Variants in FBP2 observed in about 807,000 individuals in gnomAD.
The protein encoded by FBP2 is fructose-1,6-bisphosphatase isozyme 2.
Under a neutral mutation model 31.6 loss-of-function variants are expected in FBP2, and 27 were observed. The observed-to-expected ratio is 0.85, with a 90% CI of 0.63 to 1.18. The LOEUF (loss-of-function observed/expected upper bound fraction) is 1.18. FBP2 is among the 50% of genes most tolerant of loss of function. The probability of loss-of-function intolerance (pLI) is 0.00; values close to 1 mark genes in which losing one functional copy is unlikely to be tolerated. For synonymous variants in FBP2, 168 were observed against 179.8 expected, an observed-to-expected ratio of 0.93 and a Z score of 0.53; for missense variants, 421 against 436.1, an observed-to-expected ratio of 0.97 and a Z score of 0.31.
rs1387207698 is a variant in FBP2, at chr9:94,593,697, G to A, written c.30C>T (p.Asp10=). MTDRSPFET[D]MLTLTRYVME... Reference sequence around the variant, plus strand: ...TAACGTAGCGGGTCAGGGTGAGCATGTCGGTTTCGAAGGGGCTTCTGTCCG... The same window carrying A: ...TAACGTAGCGGGTCAGGGTGAGCATATCGGTTTCGAAGGGGCTTCTGTCCG... The change falls in exon 1 of 7, where the codon GAC becomes GAT. Residue 10 remains aspartate (D), a synonymous_variant. Transcript: ENST00000375337. 1.9e-6 allele frequency: 3 copies of A among 1,614,220 alleles called. No individual in the cohort carries two copies. Among genetic ancestry groups the A allele is most frequent in the South Asian group, 1.1e-5 (1 of 91,078 alleles).
At chr9:94,562,811 CT>C (rs931472339) in intron 6 of FBP2, among the ~76,000 whole-genome samples, 3 of 152,146 alleles carry the variant, frequency 2.0e-5, no homozygotes, top group Non-Finnish European at 2.9e-5. Context: ...CAGGAACTAC[CT>C]TTCCAGATAT....
chr9:94,559,206 G>A, intron 6 of FBP2, 74 bp from the exon 7 acceptor site: 3 of 1,392,414 alleles, frequency 2.2e-6, no homozygotes, highest in Non-Finnish European at 3.0e-6. Context: ...CTAAAGCTGG[G>A]GGAGGAGTTT....
chr9:94,572,692 A>G (rs1827281889), intron 3 of FBP2, among the ~76,000 whole-genome samples: 1 of 152,060 alleles, frequency 6.6e-6, no homozygotes, highest in Admixed American at 6.6e-5. Context: ...CAGATATTGC[A>G]TTTAATTCAC....
intron 1 of FBP2, among the ~76,000 whole-genome samples, chr9:94,589,995 G>A (rs1169484563): frequency 1.3e-5 from 2 of 152,164 alleles, no homozygotes; most frequent in Non-Finnish European, 2.9e-5. Context: ...GCCCAGGCCT[G>A]CGGTGGGCAG....
intron 3 of FBP2, among the ~76,000 whole-genome samples, chr9:94,583,467 C>G (rs1243740350): frequency 6.6e-6 from 1 of 152,162 alleles, no homozygotes; most frequent in Non-Finnish European, 1.5e-5. Flanking sequence ...ACTATACAGG[C>G]CTTAAATACT....
chr9:94,562,320 A>C (rs921757281), intron 6 of FBP2, among the ~76,000 whole-genome samples: 2 of 151,610 alleles, frequency 1.3e-5, no homozygotes, highest in Non-Finnish European at 2.9e-5. Flanking sequence ...AAAAAAAAAA[A>C]AAAAAAAAAA....
In FBP2 at chr9:94,573,968, T is replaced by G. The variant is rs1827293493; in HGVS notation, c.427-2366A>C. Among the ~76,000 whole-genome samples, 2 of 152,240 alleles carry G rather than the reference T, an allele frequency of 1.3e-5. 1 individual carries two copies. The highest frequency in any genetic ancestry group is 4.1e-4 in the South Asian group (2 of 4,834). On this transcript the variant is annotated intron_variant, in intron 3 of 6. Transcript: ENST00000375337. ...CTTTTCTTGGGCATGAGTTTCTTAA[T>G]AGTATTGAGCCCTGTAGATAGCCAT...
chr9:94,569,554 T>A (rs1416286625), intron 4 of FBP2: 1 of 152,238 alleles, frequency 6.6e-6, no homozygotes, highest in Non-Finnish European at 1.5e-5. Context: ...GCCGGGACAC[T>A]CAGGCCCTGG....
Position 94,560,497 on chromosome 9 carries a change from ATCT to A in FBP2, c.826-1368_826-1366del, listed in dbSNP as rs370719931. 2.6e-4 allele frequency among the ~76,000 whole-genome samples: 40 copies of A among 152,196 alleles called. No individual in the cohort carries two copies. The East Asian group carries it at 3.1e-3, about 12-fold the overall frequency. On this transcript the variant is annotated intron_variant, in intron 6 of 6. Coordinates refer to ENST00000375337, the MANE Select transcript of FBP2 (RefSeq NM_003837.4). ...CTGCTGCTGTGCATGACTCAGTATC[ATCT>A]TCTTCTTTCTCCCCATCAGTGCAAC...
chr9:94,563,404 G>A lies in FBP2; in HGVS notation c.763C>T (p.Arg255Cys), dbSNP rs768188420. ...YVGSMVADVH[R>C]TLVYGGIFLY... is the part of the protein sequence containing the mutation. Reference sequence around the variant, plus strand: ...AAGATTCCTCCATAGACCAGGGTGCGGTGCACGTCAGCCACCATGGAGCCC... The same window carrying A: ...AAGATTCCTCCATAGACCAGGGTGCAGTGCACGTCAGCCACCATGGAGCCC... Residue 255 changes from arginine (R) to cysteine (C), a missense_variant, in exon 6 of 7, where the codon CGC becomes TGC. Arg to Cys is a radical substitution (Grantham distance 180). Transcript: ENST00000375337. The A allele has an allele frequency of 3.5e-5, 57 of 1,613,842 alleles. No homozygotes were observed. Among genetic ancestry groups the A allele is most frequent in the Admixed American group, 6.7e-5 (4 of 59,998 alleles).
At chr9:94,583,589 T>G (rs77264983) in intron 3 of FBP2, among the ~76,000 whole-genome samples, 8,915 of 152,288 alleles carry the variant, frequency 0.059, 388 homozygotes, top group African/African-American at 0.1. Context: ...TCTGCTTATT[T>G]TTCTCTTTGG....
intron 1 of FBP2, among the ~76,000 whole-genome samples, chr9:94,587,698 A>G (rs1206132143): frequency 2.6e-5 from 4 of 152,020 alleles, no homozygotes; most frequent in Non-Finnish European, 5.9e-5. Context: ...CAATGAGATG[A>G]CCCAGGACTC....
intron 3 of FBP2, among the ~76,000 whole-genome samples, chr9:94,578,480 T>G (rs796722876): frequency 6.6e-6 from 1 of 152,146 alleles, no homozygotes; most frequent in Non-Finnish European, 1.5e-5. Context: ...TTTCTGTAAT[T>G]TAAAATCTTA....
At chr9:94,583,732 T>TG (rs895112665) in intron 3 of FBP2, among the ~76,000 whole-genome samples, 3 of 152,176 alleles carry the variant, frequency 2.0e-5, no homozygotes, top group African/African-American at 7.2e-5. Context: ...CCTGAGTAGC[T>TG]GGAATTACAG....
At chr9:94,563,605 A>G (rs1016098728) in intron 5 of FBP2, 144 bp from the exon 6 acceptor site, 2 of 902,602 alleles carry the variant, frequency 2.2e-6, no homozygotes, top group African/African-American at 3.4e-5. Flanking sequence ...TGAAAAGATT[A>G]TATAATTGTG....
At chr9:94,592,433 T>G (rs949645080) in intron 1 of FBP2, among the ~76,000 whole-genome samples, 8 of 152,190 alleles carry the variant, frequency 5.3e-5, no homozygotes, top group Non-Finnish European at 8.8e-5. Context: ...AGCTCCTCAT[T>G]TTGAGTCTCT....
intron 1 of FBP2, among the ~76,000 whole-genome samples, chr9:94,591,193 G>C (rs879853466): frequency 2.0e-5 from 3 of 152,260 alleles, no homozygotes; most frequent in Non-Finnish European, 4.4e-5. Context: ...GTGGAGCGGG[G>C]GGTGGCGCTC....
At chr9:94,567,470 A>G (rs896735422) in intron 4 of FBP2, 63 bp from the exon 5 acceptor site, 1 of 1,589,730 alleles carries the variant, frequency 6.3e-7, no homozygotes. Flanking sequence ...CAACCGCACA[A>G]TCCCCACATC....
intron 3 of FBP2, among the ~76,000 whole-genome samples, chr9:94,571,939 A>G (rs546849949): frequency 1.3e-5 from 2 of 152,294 alleles, no homozygotes; most frequent in African/African-American, 4.8e-5. Context: ...CAGATCACTG[A>G]GCTGAGCGTG....
Sources: gnomAD v4.1 joint callset for allele counts (sites outside exome capture counted in the v4.1 genomes callset) on GRCh38, gnomAD v4.1.1 for gene constraint, MANE v1.5 for transcripts, NCBI Gene and HGNC (gene_info 2026-07-23, HGNC 2026-07-21) for gene names.